The following GARIN3 variants were observed in gnomAD, a reference collection of about 807,000 sequenced individuals.
The protein encoded by GARIN3 is golgi associated RAB2 interactor family member 3, also known as Golgi-associated RAB2 interactor protein 3.
chr5:157,163,932 C>CT, the GARIN3 span, among the ~76,000 whole-genome samples: 3 of 152,100 alleles, frequency 2.0e-5, no homozygotes, highest in African/African-American at 7.2e-5. Flanking sequence ...TGGCGCATGC[C>CT]TGTAATCCCA....
the GARIN3 span, chr5:157,163,105 G>T: frequency 1.2e-6 from 2 of 1,614,220 alleles, no homozygotes; most frequent in South Asian, 2.2e-5. Context: ...AGTTCTTTCT[G>T]CTGCACACTT....
the GARIN3 span, among the ~76,000 whole-genome samples, chr5:157,164,655 A>T: frequency 7.2e-5 from 11 of 152,168 alleles, no homozygotes; most frequent in African/African-American, 2.4e-4. Context: ...CAAGGGATAC[A>T]CTCACTTTAC....
the GARIN3 span, chr5:157,162,645 G>A: frequency 8.9e-5 from 144 of 1,613,924 alleles, no homozygotes; most frequent in Non-Finnish European, 1.0e-4. Context: ...TGGCCCTGAG[G>A]CTCCTTAAAA....
the GARIN3 span, among the ~76,000 whole-genome samples, chr5:157,164,700 C>G: frequency 6.6e-6 from 1 of 152,086 alleles, no homozygotes; most frequent in Non-Finnish European, 1.5e-5. Context: ...CACGTGCATA[C>G]ACACACACAG....
chr5:157,166,001 T>C, the GARIN3 span: 2 of 1,614,160 alleles, frequency 1.2e-6, no homozygotes, highest in Non-Finnish European at 1.7e-6. Flanking sequence ...CCTCTCCCTT[T>C]TTGTTTATCT....
the GARIN3 span, chr5:157,163,394 G>T: frequency 6.2e-7 from 1 of 1,614,022 alleles, no homozygotes; most frequent in African/African-American, 1.3e-5. Flanking sequence ...CCTGTTGCAG[G>T]ACTCATTGCT....
At chr5:157,163,588 G>A in the GARIN3 span, 2 of 1,614,154 alleles carry the variant, frequency 1.2e-6, no homozygotes, top group Admixed American at 1.7e-5. Flanking sequence ...AGAAGAGGTG[G>A]CTGCAGATAC....
At chr5:157,165,007 G>A in the GARIN3 span, among the ~76,000 whole-genome samples, 5 of 152,082 alleles carry the variant, frequency 3.3e-5, no homozygotes, top group African/African-American at 4.8e-5. Flanking sequence ...AGATAAGAGC[G>A]AAACTCTGTC....
At chr5:157,162,148 C>T in the GARIN3 span, 12 of 408,864 alleles carry the variant, frequency 2.9e-5, no homozygotes, top group Middle Eastern at 6.8e-4. Context: ...TTGACAGTCT[C>T]GGGGAAGCAA....
chr5:157,162,529 C>T, the GARIN3 span: 1 of 1,614,174 alleles, frequency 6.2e-7, no homozygotes, highest in South Asian at 1.1e-5. Flanking sequence ...CTCCTGGCCA[C>T]CCTGGGCTTT....
the GARIN3 span, chr5:157,162,425 C>T: frequency 4.4e-6 from 7 of 1,603,136 alleles, no homozygotes; most frequent in Admixed American, 5.1e-5. Context: ...GATCCCTGGG[C>T]GGTTGTAGCC....
chr5:157,162,471 G>C, the GARIN3 span: 1 of 1,613,990 alleles, frequency 6.2e-7, no homozygotes, highest in Non-Finnish European at 8.5e-7. Flanking sequence ...TTTCAAAGAC[G>C]ATCATCTCCG....
chr5:157,165,803 C>A, the GARIN3 span: 1 of 1,614,152 alleles, frequency 6.2e-7, no homozygotes, highest in South Asian at 1.1e-5. Flanking sequence ...TCAAGGGAAG[C>A]AGTCTCGTGA....
At chr5:157,165,443 T>C in the GARIN3 span, 1 of 1,466,466 alleles carries the variant, frequency 6.8e-7, no homozygotes, top group African/African-American at 1.4e-5. Flanking sequence ...TCCTGAGCCC[T>C]TGCACATGCA....
At chr5:157,164,231 T>G in the GARIN3 span, among the ~76,000 whole-genome samples, 1 of 145,242 alleles carries the variant, frequency 6.9e-6, no homozygotes, top group Non-Finnish European at 1.5e-5. Context: ...CTCACTGCAA[T>G]CTCCGCCTCC....
At chr5:157,164,877 G>T in the GARIN3 span, among the ~76,000 whole-genome samples, 1 of 152,080 alleles carries the variant, frequency 6.6e-6, no homozygotes, top group East Asian at 1.9e-4. Flanking sequence ...AAAATTAGTT[G>T]GACGTGGTGG....
At chr5:157,162,470 C>G in the GARIN3 span, 1 of 1,613,738 alleles carries the variant, frequency 6.2e-7, no homozygotes, top group African/African-American at 1.3e-5. Context: ...GTTTCAAAGA[C>G]GATCATCTCC....
the GARIN3 span, chr5:157,163,699 T>A: frequency 1.7e-5 from 26 of 1,573,560 alleles, no homozygotes; most frequent in African/African-American, 3.3e-4. Context: ...TTGAGATGAC[T>A]GAAAGGGAGA....
chr5:157,165,456 A>C, the GARIN3 span: 1 of 1,494,758 alleles, frequency 6.7e-7, no homozygotes, highest in South Asian at 1.4e-5. Flanking sequence ...CACATGCAAT[A>C]CTTTTTCCAG....
Sources: gnomAD v4.1 joint callset for allele counts (sites outside exome capture counted in the v4.1 genomes callset) on GRCh38, gnomAD v4.1.1 for gene constraint, MANE v1.5 for transcripts, NCBI Gene and HGNC (gene_info 2026-07-23, HGNC 2026-07-21) for gene names.